Variants in CDH8 observed in about 807,000 individuals in gnomAD.
CDH8 encodes cadherin-8.
Under a neutral mutation model 68.1 loss-of-function variants are expected in CDH8, and 17 were observed. The observed-to-expected ratio is 0.25, with a 90% CI of 0.17 to 0.37. The LOEUF (loss-of-function observed/expected upper bound fraction) is 0.37. Ranked by LOEUF, CDH8 falls within the 10% of genes least tolerant of loss-of-function variation. The pLI is 1.00. For synonymous variants in CDH8, 372 were observed against 365.1 expected (o/e 1.02, Z -0.21); for missense variants, 763 against 999.3 (o/e 0.76, Z 3.19).
At chr16:61,756,055 A>T (rs1378753508) in intron 8 of CDH8, among the ~76,000 whole-genome samples, 1 of 152,070 alleles carries the variant, frequency 6.6e-6, no homozygotes, top group Non-Finnish European at 1.5e-5. Context: ...TCCCGGGCTC[A>T]AGTGATCCAC....
chr16:62,010,672 C>T (rs1713503280), intron 2 of CDH8, among the ~76,000 whole-genome samples: 1 of 151,956 alleles, frequency 6.6e-6, no homozygotes. Context: ...GGCACGGTGG[C>T]TCACGCCTGA....
chr16:62,019,598 T>A (rs994337713), intron 2 of CDH8, among the ~76,000 whole-genome samples: 1 of 152,124 alleles, frequency 6.6e-6, no homozygotes, highest in Admixed American at 6.6e-5. Context: ...CACATTAACA[T>A]TTTTTGCAGC....
intron 3 of CDH8, among the ~76,000 whole-genome samples, chr16:61,886,662 C>T (rs1963678632): frequency 6.6e-6 from 1 of 152,140 alleles, no homozygotes; most frequent in African/African-American, 2.4e-5. Context: ...GTCTTGGTTG[C>T]CTGCTCCATT....
chr16:61,915,291 A>T (rs62052034), intron 2 of CDH8, among the ~76,000 whole-genome samples: 23,403 of 152,198 alleles, frequency 0.15, 2,033 homozygotes, highest in Middle Eastern at 0.25. Context: ...TTTCTTCAAG[A>T]ATACTAATTG....
intron 10 of CDH8, among the ~76,000 whole-genome samples, chr16:61,668,668 G>GAAA (rs10650925): frequency 5.6e-4 from 78 of 139,700 alleles, no homozygotes; most frequent in Middle Eastern, 3.8e-3. Context: ...AACCACTTAG[G>GAAA]AAAAAAAAAA....
At chr16:62,035,663 C>T (rs753152923) in intron 1 of CDH8, among the ~76,000 whole-genome samples, 4 of 152,184 alleles carry the variant, frequency 2.6e-5, no homozygotes, top group Non-Finnish European at 4.4e-5. Flanking sequence ...GCACCCTCCG[C>T]ACAGCGGGCT....
intron 7 of CDH8, among the ~76,000 whole-genome samples, chr16:61,789,768 G>A (rs1961335323): frequency 6.6e-6 from 1 of 152,022 alleles, no homozygotes. Context: ...GAGTTAATTG[G>A]ACAATCCATC....
At position 61,901,296 on chromosome 16, in the gene CDH8, T is replaced by C. The variant is rs1963966828; in HGVS notation, c.430A>G (p.Ser144Gly). The C allele has an allele frequency of 6.2e-7, 1 of 1,614,072 alleles. No individual in the cohort carries two copies. The highest frequency in any genetic ancestry group is 8.5e-7 in the Non-Finnish European group (1 of 1,179,980). Residue 144 changes from serine (S) to glycine (G), a missense_variant, in exon 3 of 12, where the codon AGC becomes GGC. Ser to Gly is a moderately conservative substitution (Grantham distance 56). Transcript: ENST00000577390. ...TCAGAAGGAGGCTCCAGAGGTTTGCTTGTCTCCCAGTCCACTGCTTGAGCT... is the reference window on the plus strand; with the variant it reads ...TCAGAAGGAGGCTCCAGAGGTTTGCCTGTCTCCCAGTCCACTGCTTGAGCT... ...LTAQAVDWET[S>G]KPLEPPSEFI...
intron 8 of CDH8, among the ~76,000 whole-genome samples, chr16:61,781,810 C>T (rs1961064010): frequency 6.6e-6 from 1 of 152,114 alleles, no homozygotes; most frequent in Admixed American, 6.5e-5. Flanking sequence ...ATTATGTTTA[C>T]ATCTTTCTAA....
rs1218153721 is a variant in CDH8, at chr16:62,031,374, TG to T, written c.-200+4705del. ...AATTGTGGTAGATAAGTCAAAATATTGAACTTTGGATATGATTGTATCTCTT... is the reference window on the plus strand; with the variant it reads ...AATTGTGGTAGATAAGTCAAAATATTAACTTTGGATATGATTGTATCTCTT... On this transcript the variant is annotated intron_variant, in intron 1 of 11. Coordinates refer to ENST00000577390, the MANE Select transcript of CDH8 (RefSeq NM_001796.5). Among the ~76,000 whole-genome samples, 4 of 152,130 alleles carry T rather than the reference TG, an allele frequency of 2.6e-5. No individual in the cohort carries two copies. In the East Asian group the frequency reaches 7.7e-4, roughly 29 times the overall value.
intron 7 of CDH8, among the ~76,000 whole-genome samples, chr16:61,802,691 C>T (rs1341531301): frequency 5.1e-4 from 54 of 106,714 alleles, no homozygotes; most frequent in East Asian, 9.6e-4. Flanking sequence ...GGAGCCGATG[C>T]GATCAACTGG....
rs561189482 is a variant in CDH8 at position 61,958,175 on chromosome 16, G to A, written c.253-56702C>T. On this transcript the variant is annotated intron_variant, in intron 2 of 11. Coordinates refer to ENST00000577390, the MANE Select transcript of CDH8 (RefSeq NM_001796.5). ...AGAAGCACAGAGCTTGGAAAGCCAAGCCAACCTGCATGAGACAGGGAAAAT... is the reference window on the plus strand; with the variant it reads ...AGAAGCACAGAGCTTGGAAAGCCAAACCAACCTGCATGAGACAGGGAAAAT... Among the ~76,000 whole-genome samples, 14 of 152,244 alleles carry A rather than the reference G, an allele frequency of 9.2e-5. No individual in the cohort carries two copies. In the South Asian group the frequency reaches 2.9e-3, roughly 32 times the overall value.
chr16:62,021,998 C>A (rs559395931), intron 1 of CDH8, among the ~76,000 whole-genome samples: 35 of 152,148 alleles, frequency 2.3e-4, no homozygotes, highest in Admixed American at 1.9e-3. Flanking sequence ...CTAACACAGC[C>A]CACTTGTCGA....
chr16:61,664,027 A>G (rs1963620366), intron 10 of CDH8, among the ~76,000 whole-genome samples: 1 of 151,476 alleles, frequency 6.6e-6, no homozygotes, highest in Admixed American at 6.6e-5. Context: ...ATGTGCTGCC[A>G]CTCTTCTTTC....
intron 2 of CDH8, among the ~76,000 whole-genome samples, chr16:61,956,255 T>C (rs1381929780): frequency 2.6e-5 from 4 of 152,170 alleles, no homozygotes; most frequent in Non-Finnish European, 5.9e-5. Context: ...TCTCTTCTGA[T>C]CTCCTTTTTT....
chr16:61,658,271 A>C (rs936981368), intron 10 of CDH8, among the ~76,000 whole-genome samples: 1 of 152,096 alleles, frequency 6.6e-6, no homozygotes, highest in African/African-American at 2.4e-5. Flanking sequence ...TGTTGTAAAT[A>C]TCTTCTACAA....
chr16:62,000,923 A>G (rs961487031), intron 2 of CDH8, among the ~76,000 whole-genome samples: 2 of 152,230 alleles, frequency 1.3e-5, no homozygotes, highest in Non-Finnish European at 2.9e-5. Context: ...CATTATCATT[A>G]TAGTTAACAA....
Position 61,817,628 on chromosome 16 carries a change from C to T in CDH8, c.1128G>A (p.Ala376=), listed in dbSNP as rs369487557. ...CATCTTCAACCACGATTTTGACTGT[C>T]GCCGTGTCTTTAAAGGGCCCCCTGC... ...FSGRGPFKDT[A]TVKIVVEDAD... The change falls in exon 7 of 12, where the codon GCG becomes GCA. Residue 376 remains alanine (A), a synonymous_variant. Transcript: ENST00000577390. 5 of 1,613,804 alleles carry T rather than the reference C, an allele frequency of 3.1e-6. No homozygotes were observed. The South Asian group carries it at 3.3e-5, about 11-fold the overall frequency.
chr16:62,022,594 G>C (rs1004193381), intron 1 of CDH8, among the ~76,000 whole-genome samples: 4 of 152,238 alleles, frequency 2.6e-5, no homozygotes, highest in Admixed American at 6.5e-5. Context: ...AGATCCAAGA[G>C]AGAAGCTTTG....
Sources: allele counts gnomAD v4.1 joint callset (sites outside exome capture counted in the v4.1 genomes callset), GRCh38; gene constraint gnomAD v4.1.1; transcripts MANE v1.5; gene names NCBI Gene and HGNC (gene_info 2026-07-23, HGNC 2026-07-21).